Variants in SUGCT observed in about 807,000 individuals in gnomAD.
SUGCT encodes succinyl-CoA:glutarate CoA-transferase.
Under a neutral mutation model 55.0 loss-of-function variants are expected in SUGCT, and 41 were observed. That is an observed-to-expected ratio of 0.74 (90% CI 0.58 to 0.97). The LOEUF (loss-of-function observed/expected upper bound fraction) is 0.97. Among genes scored for constraint, SUGCT ranks in the 50% least tolerant of loss-of-function variants. The pLI, the probability that SUGCT is intolerant of heterozygous loss-of-function variation, is 0.00. For missense variants in SUGCT, 568 were observed against 547.8 expected (o/e 1.04, Z -0.37); for synonymous variants, 187 against 200.4 (o/e 0.93, Z 0.56).
At chr7:40,175,544 A>G (rs1784885420) in intron 1 of SUGCT, among the ~76,000 whole-genome samples, 1 of 152,062 alleles carries the variant, frequency 6.6e-6, no homozygotes, top group African/African-American at 2.4e-5. Flanking sequence ...AAGACAACTT[A>G]TTGATTTCAT....
At chr7:40,511,918 T>A (rs1159493317) in intron 12 of SUGCT, among the ~76,000 whole-genome samples, 1 of 152,166 alleles carries the variant, frequency 6.6e-6, no homozygotes, top group Non-Finnish European at 1.5e-5. Context: ...TTATTTTTGA[T>A]GCCTGAGGAC....
intron 12 of SUGCT, among the ~76,000 whole-genome samples, chr7:40,535,806 G>A (rs1345919522): frequency 6.6e-6 from 1 of 152,074 alleles, no homozygotes; most frequent in Non-Finnish European, 1.5e-5. Context: ...CAAAGTGCTG[G>A]GATTACAGAT....
At chr7:40,597,869 C>T (rs996087177) in intron 12 of SUGCT, among the ~76,000 whole-genome samples, 1 of 152,096 alleles carries the variant, frequency 6.6e-6, no homozygotes, top group Non-Finnish European at 1.5e-5. Flanking sequence ...TTCAGCCTAT[C>T]CTGACAAATA....
intron 13 of SUGCT, among the ~76,000 whole-genome samples, chr7:40,799,352 C>T (rs766587752): frequency 6.6e-6 from 1 of 152,148 alleles, no homozygotes. Context: ...TTGGGAATAG[C>T]ATACTCCTTT....
At chr7:40,355,017 C>CATGATTGGGA (rs1797823502) in intron 9 of SUGCT, among the ~76,000 whole-genome samples, 1 of 152,132 alleles carries the variant, frequency 6.6e-6, no homozygotes, top group Non-Finnish European at 1.5e-5. Context: ...AATCGTACCT[C>CATGATTGGGA]AGTCATTAGT....
intron 13 of SUGCT, among the ~76,000 whole-genome samples, chr7:40,841,070 G>T (rs887527370): frequency 6.6e-6 from 1 of 151,612 alleles, no homozygotes; most frequent in Non-Finnish European, 1.5e-5. Flanking sequence ...ACTCATCATT[G>T]TTATATTACT....
intron 12 of SUGCT, among the ~76,000 whole-genome samples, chr7:40,634,295 G>T (rs1306788828): frequency 6.6e-6 from 1 of 152,172 alleles, no homozygotes; most frequent in African/African-American, 2.4e-5. Flanking sequence ...AACCCTTATC[G>T]TCCAAACCCC....
chr7:40,624,971 CT>C (rs1174741035), intron 12 of SUGCT, among the ~76,000 whole-genome samples: 2 of 152,116 alleles, frequency 1.3e-5, no homozygotes, highest in African/African-American at 2.4e-5. Flanking sequence ...GCATTCTTAT[CT>C]TTCCCCCCCA....
intron 9 of SUGCT, among the ~76,000 whole-genome samples, chr7:40,370,854 C>A (rs951734528): frequency 3.3e-5 from 5 of 152,028 alleles, no homozygotes; most frequent in Non-Finnish European, 5.9e-5. Flanking sequence ...AATATAAGTG[C>A]TATTTGCTTT....
the SUGCT span, among the ~76,000 whole-genome samples, chr7:40,946,426 G>A: frequency 2.0e-5 from 3 of 152,124 alleles, no homozygotes; most frequent in South Asian, 4.1e-4. Flanking sequence ...CTAGCCACTG[G>A]GGTAATGTTC....
chr7:40,896,507 G>A, the SUGCT span, among the ~76,000 whole-genome samples: 4 of 152,112 alleles, frequency 2.6e-5, no homozygotes, highest in Non-Finnish European at 2.9e-5. Context: ...ATTCATGGGG[G>A]CGGTTACCCC....
chr7:40,374,809 G>A (rs1159450549), intron 9 of SUGCT, among the ~76,000 whole-genome samples: 1 of 152,140 alleles, frequency 6.6e-6, no homozygotes, highest in African/African-American at 2.4e-5. Context: ...CAAGAACATG[G>A]TGAGACATAT....
intron 12 of SUGCT, among the ~76,000 whole-genome samples, chr7:40,611,691 T>A (rs1261971704): frequency 6.6e-6 from 1 of 152,236 alleles, no homozygotes; most frequent in Non-Finnish European, 1.5e-5. Flanking sequence ...TTCTTCAAAG[T>A]ACATTACGTA....
the SUGCT span, among the ~76,000 whole-genome samples, chr7:41,019,895 C>T: frequency 1.3e-5 from 2 of 152,122 alleles, no homozygotes; most frequent in African/African-American, 4.8e-5. Context: ...GCAGTAATCC[C>T]CTCTGTCTAT....
At chr7:40,871,274 G>A in the SUGCT span, among the ~76,000 whole-genome samples, 1 of 152,156 alleles carries the variant, frequency 6.6e-6, no homozygotes, top group Non-Finnish European at 1.5e-5. Flanking sequence ...TAAGAGGTAT[G>A]GCATCTTCCT....
intron 8 of SUGCT, among the ~76,000 whole-genome samples, chr7:40,275,588 C>T (rs745869603): frequency 2.0e-5 from 3 of 151,960 alleles, no homozygotes; most frequent in Non-Finnish European, 2.9e-5. Flanking sequence ...AATATTTATT[C>T]GTGATCAAGT....
chr7:40,461,034 G>C (rs1789768680), intron 11 of SUGCT, among the ~76,000 whole-genome samples: 1 of 152,134 alleles, frequency 6.6e-6, no homozygotes. Flanking sequence ...TCTTCTGCTA[G>C]TGCGCTGACA....
chr7:40,753,990 A>ATTT (rs1171037838), intron 13 of SUGCT, among the ~76,000 whole-genome samples: 7 of 152,172 alleles, frequency 4.6e-5, no homozygotes, highest in Non-Finnish European at 7.3e-5. Flanking sequence ...ATGAGTCTCT[A>ATTT]TCATCTTCAA....
intron 1 of SUGCT, among the ~76,000 whole-genome samples, chr7:40,147,055 T>TTCTC (rs35015692): frequency 0.56 from 84,515 of 150,308 alleles, 25,534 homozygotes; most frequent in African/African-American, 0.8. Flanking sequence ...TCTCTCTTTC[T>TTCTC]TCTCTCTTTC....
Sources: gnomAD v4.1 joint callset for allele counts (sites outside exome capture counted in the v4.1 genomes callset) on GRCh38, gnomAD v4.1.1 for gene constraint, MANE v1.5 for transcripts, NCBI Gene and HGNC (gene_info 2026-07-23, HGNC 2026-07-21) for gene names.